Variants in FHOD3 observed in about 807,000 individuals in gnomAD.
FHOD3 encodes the protein FH1/FH2 domain-containing protein 3.
In FHOD3, 90 loss-of-function variants were observed where a neutral mutation model predicts 173.0. That is an observed-to-expected ratio of 0.52 (90% CI 0.44 to 0.62). The LOEUF (loss-of-function observed/expected upper bound fraction) is 0.62, where lower values mean the gene tolerates loss of function less well. Among genes scored for constraint, FHOD3 ranks in the 20% least tolerant of loss-of-function variants. The probability of loss-of-function intolerance (pLI) is 0.00; values close to 1 mark genes in which losing one functional copy is unlikely to be tolerated. For missense variants in FHOD3, 1,945 were observed against 2,034.7 expected (o/e 0.96, Z 0.85); for synonymous variants, 828 against 823.0 (o/e 1.01, Z -0.10).
chr18:36,694,318 C>T (rs1401668094), intron 17 of FHOD3, among the ~76,000 whole-genome samples: 1 of 152,162 alleles, frequency 6.6e-6, no homozygotes, highest in Non-Finnish European at 1.5e-5. Context: ...GACTCCATGA[C>T]CTTAGCAGAA....
At chr18:36,662,352 A>G (rs2036867854) in intron 14 of FHOD3, among the ~76,000 whole-genome samples, 1 of 152,204 alleles carries the variant, frequency 6.6e-6, no homozygotes. Flanking sequence ...GTGAGTGCTC[A>G]GTGGGAAGAG....
rs1400888758 is a variant in FHOD3 at position 36,583,678 on chromosome 18, G to A, written c.606+7133G>A. Among the ~76,000 whole-genome samples the A allele has an allele frequency of 2.0e-5, 3 of 152,210 alleles. No individual in the cohort carries two copies. In the East Asian group the frequency reaches 5.8e-4, roughly 29 times the overall value. On this transcript the variant is annotated intron_variant, in intron 6 of 28. Transcript: ENST00000590592. ...CCCCAGCTTCTTTGTGAGTGCCATG[G>A]AGAGCAGCCTACTGGTGGCTGCCAA...
intron 6 of FHOD3, among the ~76,000 whole-genome samples, chr18:36,589,851 ATG>A (rs1445590224): frequency 6.6e-6 from 1 of 152,078 alleles, no homozygotes; most frequent in Admixed American, 6.5e-5. Flanking sequence ...CTCCATAAGA[ATG>A]AGAATCAATT....
At chr18:36,363,617 T>G (rs1193395052) in intron 2 of FHOD3, among the ~76,000 whole-genome samples, 1 of 152,106 alleles carries the variant, frequency 6.6e-6, no homozygotes, top group Non-Finnish European at 1.5e-5. Context: ...TGAAAAGATC[T>G]GTTGCCGGAG....
At chr18:36,501,052 TA>T (rs1299495474) in intron 3 of FHOD3, among the ~76,000 whole-genome samples, 3 of 152,208 alleles carry the variant, frequency 2.0e-5, no homozygotes, top group Admixed American at 6.5e-5. Context: ...TCTGTCTCTC[TA>T]GCTGCATGGT....
chr18:36,740,863 C>T (rs1425707372), intron 21 of FHOD3, 25 bp downstream of exon 21: 4 of 1,595,554 alleles, frequency 2.5e-6, no homozygotes, highest in Non-Finnish European at 3.4e-6. Context: ...AGAGAGGCCG[C>T]TGATCCCACA....
At chr18:36,721,433 G>T (rs2040783415) in intron 19 of FHOD3, among the ~76,000 whole-genome samples, 1 of 152,186 alleles carries the variant, frequency 6.6e-6, no homozygotes, top group Non-Finnish European at 1.5e-5. Flanking sequence ...TTGAGCTCAG[G>T]AGTTTGAGAC....
chr18:36,662,626 C>A (rs2036887543), intron 14 of FHOD3, among the ~76,000 whole-genome samples: 1 of 152,034 alleles, frequency 6.6e-6, no homozygotes, highest in Admixed American at 6.6e-5. Flanking sequence ...GATTATAAAC[C>A]CAGATATAAG....
At chr18:36,341,876 C>T (rs1237162243) in intron 1 of FHOD3, among the ~76,000 whole-genome samples, 2 of 151,822 alleles carry the variant, frequency 1.3e-5, no homozygotes, top group South Asian at 2.1e-4. Flanking sequence ...AAGATTTATT[C>T]GATATATCCA....
intron 14 of FHOD3, among the ~76,000 whole-genome samples, chr18:36,678,224 C>T (rs558921337): frequency 3.0e-4 from 45 of 152,096 alleles, no homozygotes; most frequent in African/African-American, 1.1e-3. Context: ...TAACAGTAAA[C>T]TGTTCTTAAT....
At chr18:36,625,429 C>A in intron 9 of FHOD3, 82 bp from the exon 10 acceptor site, 1 of 1,219,630 alleles carries the variant, frequency 8.2e-7, no homozygotes, top group Non-Finnish European at 1.1e-6. Flanking sequence ...CCTATTAGGG[C>A]AATCCTGAAA....
At chr18:36,459,557 G>A (rs1392674179) in intron 3 of FHOD3, among the ~76,000 whole-genome samples, 17 of 152,150 alleles carry the variant, frequency 1.1e-4, no homozygotes, top group Non-Finnish European at 2.4e-4. Flanking sequence ...CCTGCAGTGT[G>A]GGGGAAGACT....
chr18:36,498,724 A>T (rs1176759485), intron 3 of FHOD3, among the ~76,000 whole-genome samples: 1 of 152,168 alleles, frequency 6.6e-6, no homozygotes, highest in Admixed American at 6.5e-5. Flanking sequence ...CAAAATTCGC[A>T]TTGTCTCAAT....
chr18:36,484,151 T>G (rs1265601648), intron 3 of FHOD3, among the ~76,000 whole-genome samples: 1 of 152,232 alleles, frequency 6.6e-6, no homozygotes, highest in Admixed American at 6.5e-5. Flanking sequence ...AAATCCTATG[T>G]GACAGTCCCA....
At chr18:36,654,078 T>A (rs975015595) in intron 13 of FHOD3, among the ~76,000 whole-genome samples, 4 of 152,148 alleles carry the variant, frequency 2.6e-5, no homozygotes, top group African/African-American at 4.8e-5. Context: ...GTCAGTCACT[T>A]TCTCTCCTTA....
intron 10 of FHOD3, among the ~76,000 whole-genome samples, chr18:36,646,645 A>C (rs2035703694): frequency 6.6e-6 from 1 of 152,164 alleles, no homozygotes; most frequent in Admixed American, 6.5e-5. Flanking sequence ...TGTAGGGAAA[A>C]AAATGTATCT....
chr18:36,341,612 C>G (rs573641025), intron 1 of FHOD3, among the ~76,000 whole-genome samples: 1 of 152,252 alleles, frequency 6.6e-6, no homozygotes, highest in South Asian at 2.1e-4. Context: ...GGGGTCTTAC[C>G]AAGATAGACT....
intron 25 of FHOD3, among the ~76,000 whole-genome samples, chr18:36,756,520 C>A (rs1390629624): frequency 6.6e-6 from 1 of 152,048 alleles, no homozygotes; most frequent in Non-Finnish European, 1.5e-5. Context: ...AGGAAGAAAA[C>A]CAATTAGGAA....
chr18:36,586,943 G>T (rs1172257255), intron 6 of FHOD3, among the ~76,000 whole-genome samples: 1 of 152,058 alleles, frequency 6.6e-6, no homozygotes, highest in Non-Finnish European at 1.5e-5. Context: ...TCCCTGATTG[G>T]TGCTGTGAAG....
Sources: gnomAD v4.1 joint callset for allele counts (sites outside exome capture counted in the v4.1 genomes callset) on GRCh38, gnomAD v4.1.1 for gene constraint, MANE v1.5 for transcripts, NCBI Gene and HGNC (gene_info 2026-07-23, HGNC 2026-07-21) for gene names.